RGS18: variants seen among roughly 807,000 people sequenced by gnomAD.
The protein encoded by RGS18 is regulator of G-protein signaling 18.
In RGS18, 22 loss-of-function variants were observed where a neutral mutation model predicts 27.6. The ratio of observed to expected loss-of-function variants is 0.80; its 90% CI spans 0.57 to 1.14. The LOEUF (loss-of-function observed/expected upper bound fraction) is 1.14. Ranked by LOEUF, RGS18 falls within the 50% of genes most tolerant of loss-of-function variation. RGS18 has a pLI of 0.00. For missense variants in RGS18, 299 were observed against 269.6 expected, an observed-to-expected ratio of 1.11 and a Z score of -0.76; for synonymous variants, 89 against 84.6, an observed-to-expected ratio of 1.05 and a Z score of -0.29.
In RGS18 at chr1:192,184,279, T is replaced by C; in HGVS notation, c.451-18T>C. 1 of 1,599,592 alleles carries C rather than the reference T, an allele frequency of 6.3e-7. No homozygotes were observed. ...TAAGCATATTAACTATAATCACACT[T>C]TTTTTCTGTTTATCCAGGTTAACCT... On this transcript the variant is annotated intron_variant, in intron 4 of 4. Transcript: ENST00000367460.
rs922827035 is a variant in RGS18, at chr1:192,159,552, A to G, written c.221+231A>G. Reference sequence around the variant, plus strand: ...CTTAAAGCTGCTCTTTTAAAATTATATACCTGTCAGTTTTAAATGACATGT... The same window carrying G: ...CTTAAAGCTGCTCTTTTAAAATTATGTACCTGTCAGTTTTAAATGACATGT... On this transcript the variant is annotated intron_variant, in intron 2 of 4. Coordinates refer to ENST00000367460, the MANE Select transcript of RGS18 (RefSeq NM_130782.3). Among the ~76,000 whole-genome samples, 17 of 152,332 alleles carry G rather than the reference A, an allele frequency of 1.1e-4. No homozygotes were observed. In the South Asian group the frequency reaches 3.3e-3, roughly 30 times the overall value.
At chr1:192,177,793 A>G (rs1324004915) in intron 3 of RGS18, among the ~76,000 whole-genome samples, 1 of 151,786 alleles carries the variant, frequency 6.6e-6, no homozygotes, top group African/African-American at 2.4e-5. Context: ...GGAACATGGC[A>G]CACGAATGGA....
intron 3 of RGS18, among the ~76,000 whole-genome samples, chr1:192,164,934 G>A (rs993568759): frequency 6.6e-6 from 1 of 152,034 alleles, no homozygotes; most frequent in Non-Finnish European, 1.5e-5. Flanking sequence ...ATGAAATCTG[G>A]GCACCCTGAA....
Position 192,160,283 on chromosome 1 carries a change from T to G in RGS18, c.222-95T>G, listed in dbSNP as rs1325495806. ...TAATCAAAGGAGAAACTGTGAAATATAATTGAAAAGAGCAGTAAAATAGCA... is the reference window on the plus strand; with the variant it reads ...TAATCAAAGGAGAAACTGTGAAATAGAATTGAAAAGAGCAGTAAAATAGCA... On this transcript the variant is annotated intron_variant, in intron 2 of 4. Coordinates refer to ENST00000367460, the MANE Select transcript of RGS18 (RefSeq NM_130782.3). 9.7e-5 allele frequency: 55 copies of G among 564,692 alleles called. No homozygotes were observed. In the East Asian group the frequency reaches 1.7e-3, roughly 17 times the overall value. 35.0% of individuals were successfully genotyped at this position (564,692 alleles called of 1,614,324 possible).
chr1:192,174,622 G>T (rs987369508), intron 3 of RGS18, among the ~76,000 whole-genome samples: 4 of 151,754 alleles, frequency 2.6e-5, no homozygotes, highest in African/African-American at 9.7e-5. Flanking sequence ...GGATTGTTAT[G>T]TACTAGTAAT....
intron 3 of RGS18, chr1:192,167,721 C>T (rs559529133): frequency 6.6e-6 from 1 of 152,132 alleles, no homozygotes; most frequent in East Asian, 1.9e-4. Context: ...GCCTGTCCAA[C>T]AAGCACTCAA....
chr1:192,170,669 GA>G lies in RGS18; in HGVS notation c.283+10242del, dbSNP rs879875844. On this transcript the variant is annotated intron_variant, in intron 3 of 4. Transcript: ENST00000367460. ...ACAGAAGACAGAGGGGGCAAAATTA[GA>G]AAAAAAAAAAAGACAAGTAAAACCA... Among the ~76,000 whole-genome samples, 302 of 125,646 alleles carry G rather than the reference GA, an allele frequency of 2.4e-3. 2 individuals carry two copies. Among genetic ancestry groups the G allele is most frequent in the Middle Eastern group, 0.021 (5 of 242 alleles). 82.4% of individuals were successfully genotyped at this position (125,646 alleles called of 152,430 possible).
chr1:192,158,908 G>T, intron 1 of RGS18, 152 bp downstream of exon 1: 1 of 624,716 alleles, frequency 1.6e-6, no homozygotes, highest in Non-Finnish European at 2.7e-6. Context: ...TTATTTCTTA[G>T]GTTTAAACAA....
chr1:192,181,848 A>G (rs921182273), intron 4 of RGS18, among the ~76,000 whole-genome samples: 1 of 151,474 alleles, frequency 6.6e-6, no homozygotes, highest in Non-Finnish European at 1.5e-5. Context: ...CCATCCTCCC[A>G]TCCTTCCTAC....
intron 3 of RGS18, among the ~76,000 whole-genome samples, chr1:192,172,942 A>G (rs1656290164): frequency 6.7e-6 from 1 of 148,316 alleles, no homozygotes; most frequent in African/African-American, 2.4e-5. Flanking sequence ...TCTGAATCTC[A>G]GTTTTCTCAT....
At chr1:192,175,757 C>A (rs928039598) in intron 3 of RGS18, among the ~76,000 whole-genome samples, 1 of 151,784 alleles carries the variant, frequency 6.6e-6, no homozygotes, top group African/African-American at 2.4e-5. Flanking sequence ...CTTCTGGGTC[C>A]CCTTATAAAG....
chr1:192,182,640 C>T (rs1007868566), intron 4 of RGS18, among the ~76,000 whole-genome samples: 1 of 151,514 alleles, frequency 6.6e-6, no homozygotes, highest in African/African-American at 2.4e-5. Context: ...TTGTAAGATA[C>T]TATCACAGAA....
intron 4 of RGS18, among the ~76,000 whole-genome samples, chr1:192,183,898 C>T (rs1656497213): frequency 6.6e-6 from 1 of 151,590 alleles, no homozygotes; most frequent in Non-Finnish European, 1.5e-5. Context: ...GAGAAGAACT[C>T]AGGAAGCTTC....
chr1:192,168,183 T>G (rs1458474945), intron 3 of RGS18: 1 of 152,182 alleles, frequency 6.6e-6, no homozygotes, highest in Non-Finnish European at 1.5e-5. Flanking sequence ...TGAACTGACT[T>G]AATGCAGCTG....
chr1:192,175,078 A>G (rs1268765091), intron 3 of RGS18, among the ~76,000 whole-genome samples: 1 of 151,762 alleles, frequency 6.6e-6, no homozygotes, highest in Admixed American at 6.6e-5. Flanking sequence ...TGCCATGACC[A>G]TCCAATATTT....
intron 3 of RGS18, among the ~76,000 whole-genome samples, chr1:192,179,401 A>G (rs1033264910): frequency 6.6e-6 from 1 of 151,718 alleles, no homozygotes; most frequent in African/African-American, 2.4e-5. Flanking sequence ...CCTTCCCTCA[A>G]CATTTCTATA....
chr1:192,181,564 C>A (rs1656457023), intron 4 of RGS18, 106 bp downstream of exon 4: 1 of 748,894 alleles, frequency 1.3e-6, no homozygotes, highest in Admixed American at 3.8e-5. Flanking sequence ...TTATTAATTT[C>A]ATTTATAATT....
At chr1:192,172,524 C>T (rs1256368299) in intron 3 of RGS18, among the ~76,000 whole-genome samples, 1 of 151,878 alleles carries the variant, frequency 6.6e-6, no homozygotes, top group Non-Finnish European at 1.5e-5. Flanking sequence ...ACTACCCAGC[C>T]TCAGGTATTC....
At chr1:192,160,015 A>T (rs1656042610) in intron 2 of RGS18, among the ~76,000 whole-genome samples, 1 of 152,074 alleles carries the variant, frequency 6.6e-6, no homozygotes. Flanking sequence ...ACTGAAAGAT[A>T]CTGTGAGTTT....
Sources: gnomAD v4.1 joint callset for allele counts (sites outside exome capture counted in the v4.1 genomes callset) on GRCh38, gnomAD v4.1.1 for gene constraint, MANE v1.5 for transcripts, NCBI Gene and HGNC (gene_info 2026-07-23, HGNC 2026-07-21) for gene names.